PDCD6: variants seen among roughly 807,000 people sequenced by gnomAD.
The protein encoded by PDCD6 is programmed cell death protein 6.
In PDCD6, 12 loss-of-function variants were observed where a neutral mutation model predicts 28.3. That is an observed-to-expected ratio of 0.42 (90% CI 0.27 to 0.69). The LOEUF is 0.69. Ranked by LOEUF, PDCD6 falls within the 30% of genes least tolerant of loss-of-function variation. The pLI is 0.22. For missense variants in PDCD6, 226 were observed against 269.9 expected, an observed-to-expected ratio of 0.84 and a Z score of 1.14; for synonymous variants, 92 against 108.0, an observed-to-expected ratio of 0.85 and a Z score of 0.92.
chr5:281,599 A>G (rs1329498379), intron 2 of PDCD6, among the ~76,000 whole-genome samples: 1 of 152,010 alleles, frequency 6.6e-6, no homozygotes, highest in Non-Finnish European at 1.5e-5. Flanking sequence ...TGGGTCGTAG[A>G]GCTGGAGACC....
At chr5:276,946 A>C in intron 2 of PDCD6, 1 of 985,100 alleles carries the variant, frequency 1.0e-6, no homozygotes. Context: ...AACTATCTTG[A>C]GTTTGATCCC....
At chr5:273,769 T>C (rs1481841078) in intron 2 of PDCD6, among the ~76,000 whole-genome samples, 1 of 152,192 alleles carries the variant, frequency 6.6e-6, no homozygotes, top group Non-Finnish European at 1.5e-5. Context: ...TTTTACCTTA[T>C]ATTACGACAT....
At chr5:301,472 T>C (rs1740042824) in intron 2 of PDCD6, among the ~76,000 whole-genome samples, 1 of 152,240 alleles carries the variant, frequency 6.6e-6, no homozygotes, top group East Asian at 1.9e-4. Flanking sequence ...TTCCGACCTT[T>C]CTGAATACCT....
intron 2 of PDCD6, among the ~76,000 whole-genome samples, chr5:298,725 CA>C (rs66955957): frequency 1.3e-4 from 7 of 52,306 alleles, no homozygotes; most frequent in South Asian, 9.3e-4. Context: ...CAGCTGCTCC[CA>C]CCCAGCTGCT....
At chr5:306,865 A>G in intron 4 of PDCD6, 105 bp downstream of exon 4, 3 of 1,213,506 alleles carry the variant, frequency 2.5e-6, no homozygotes, top group Non-Finnish European at 3.6e-6. Context: ...TAACCAGGCT[A>G]CGTAAAGTTT....
intron 2 of PDCD6, among the ~76,000 whole-genome samples, chr5:300,705 C>A (rs1739998644): frequency 6.6e-6 from 1 of 152,236 alleles, no homozygotes; most frequent in Non-Finnish European, 1.5e-5. Context: ...GTGGTTCTCT[C>A]TTGGTTTCTG....
intron 2 of PDCD6, chr5:273,491 G>T (rs989556343): frequency 1.3e-5 from 2 of 152,578 alleles, no homozygotes; most frequent in African/African-American, 2.4e-5. Flanking sequence ...TCCCTCAGGG[G>T]CAGTCATCTT....
chr5:299,788 A>G (rs1739926422), intron 2 of PDCD6, among the ~76,000 whole-genome samples: 1 of 152,026 alleles, frequency 6.6e-6, no homozygotes. Context: ...TCACCTGGTG[A>G]TCCGCCCGCC....
At chr5:272,837 G>T in intron 2 of PDCD6, 65 bp downstream of exon 2, 1 of 1,549,878 alleles carries the variant, frequency 6.5e-7, no homozygotes, top group Non-Finnish European at 8.7e-7. Flanking sequence ...TGTTCACAGT[G>T]GATAACTTTC....
chr5:299,752 T>C lies in PDCD6; in HGVS notation c.164-4425T>C, dbSNP rs948102419. ...TTTTAGTAGAGATGGGGTTTCACCATATTAGCCAGGATGGTCTCGATCTCC... is the reference window on the plus strand; with the variant it reads ...TTTTAGTAGAGATGGGGTTTCACCACATTAGCCAGGATGGTCTCGATCTCC... On this transcript the variant is annotated intron_variant, in intron 2 of 5. Coordinates refer to ENST00000264933, the MANE Select transcript of PDCD6 (RefSeq NM_013232.4). 5.9e-5 allele frequency among the ~76,000 whole-genome samples: 9 copies of C among 152,194 alleles called. No individual in the cohort carries two copies. The East Asian group carries it at 9.7e-4, about 16-fold the overall frequency.
At chr5:277,207 C>G (rs905855548) in intron 2 of PDCD6, among the ~76,000 whole-genome samples, 34 of 151,938 alleles carry the variant, frequency 2.2e-4, no homozygotes, top group African/African-American at 8.2e-4. Flanking sequence ...CTCACTACAA[C>G]CTCCGCATCT....
intron 2 of PDCD6, among the ~76,000 whole-genome samples, chr5:284,869 C>CCCCGCGGGAAG (rs1738841078): frequency 7.0e-6 from 1 of 142,890 alleles, no homozygotes; most frequent in South Asian, 2.5e-4. Context: ...CAGCTGGAGA[C>CCCCGCGGGAAG]CCCGCGGGAA....
At chr5:303,306 A>AAAAT (rs1740234712) in intron 2 of PDCD6, among the ~76,000 whole-genome samples, 1 of 151,794 alleles carries the variant, frequency 6.6e-6, no homozygotes, top group African/African-American at 2.4e-5. Flanking sequence ...ATAAAAAAAA[A>AAAAT]AAAAAACTGT....
chr5:301,626 G>T (rs762525752), intron 2 of PDCD6, among the ~76,000 whole-genome samples: 4 of 152,018 alleles, frequency 2.6e-5, no homozygotes, highest in Admixed American at 6.6e-5. Context: ...AGGTGCACCT[G>T]CCTTTGTGGG....
chr5:290,425 C>T, intron 2 of PDCD6: 1 of 670,768 alleles, frequency 1.5e-6, no homozygotes, highest in Non-Finnish European at 2.7e-6. Context: ...CTCGCACACA[C>T]TCCCGCATGC....
intron 2 of PDCD6, among the ~76,000 whole-genome samples, chr5:282,908 GT>G (rs1257072357): frequency 2.6e-5 from 4 of 151,470 alleles, no homozygotes; most frequent in African/African-American, 9.7e-5. Flanking sequence ...TGAGGTTCTA[GT>G]TTGAGGGTCG....
intron 2 of PDCD6, among the ~76,000 whole-genome samples, chr5:275,575 G>A (rs970939576): frequency 6.6e-6 from 1 of 152,208 alleles, no homozygotes; most frequent in Non-Finnish European, 1.5e-5. Flanking sequence ...TTATGACATA[G>A]TCTTAGACTC....
intron 2 of PDCD6, among the ~76,000 whole-genome samples, chr5:298,180 C>G (rs1739741411): frequency 6.6e-6 from 1 of 152,158 alleles, no homozygotes; most frequent in African/African-American, 2.4e-5. Context: ...GCTGGAGAAG[C>G]TGGGGGCCCC....
At chr5:278,037 C>G (rs367830212) in intron 2 of PDCD6, among the ~76,000 whole-genome samples, 33 of 152,238 alleles carry the variant, frequency 2.2e-4, no homozygotes, top group African/African-American at 3.4e-4. Flanking sequence ...GCTCAGGTTC[C>G]GCCTAAGCCT....
Sources: gnomAD v4.1 joint callset for allele counts (sites outside exome capture counted in the v4.1 genomes callset) on GRCh38, gnomAD v4.1.1 for gene constraint, MANE v1.5 for transcripts, NCBI Gene and HGNC (gene_info 2026-07-23, HGNC 2026-07-21) for gene names.